Variants in ABLIM2 observed in about 807,000 individuals in gnomAD.
ABLIM2 encodes the protein actin-binding LIM protein 2.
A neutral mutation model predicts 97.7 loss-of-function variants in ABLIM2; 53 were observed. That is an observed-to-expected ratio of 0.54 (90% CI 0.44 to 0.68). ABLIM2 has a LOEUF of 0.68. Ranked by LOEUF, ABLIM2 falls within the 30% of genes least tolerant of loss-of-function variation. The pLI is 0.00. For synonymous variants in ABLIM2, 361 were observed against 345.8 expected (o/e 1.04, Z -0.49); for missense variants, 835 against 867.2 (o/e 0.96, Z 0.47).
chr4:7,984,332 C>T (rs1222972516), intron 18 of ABLIM2, among the ~76,000 whole-genome samples: 1 of 152,186 alleles, frequency 6.6e-6, no homozygotes, highest in Non-Finnish European at 1.5e-5. Flanking sequence ...GCAAGGCTCC[C>T]CCGCCACTCG....
At chr4:8,051,543 A>T (rs1403651961) in intron 8 of ABLIM2, among the ~76,000 whole-genome samples, 1 of 144,896 alleles carries the variant, frequency 6.9e-6, no homozygotes, top group Non-Finnish European at 1.5e-5. Context: ...CAGCCTGAAG[A>T]CAGAGCGAGA....
rs994780148 is a variant in ABLIM2 at position 8,112,356 on chromosome 4, G to A, written c.11-5719C>T. 6.6e-6 allele frequency among the ~76,000 whole-genome samples: 1 copy of A among 152,234 alleles called. No homozygotes were observed. Among genetic ancestry groups the A allele is most frequent in the South Asian group, 2.1e-4 (1 of 4,834 alleles). ...TGGTGAATGGATTTAACTCTGCAAA[G>A]CCTCAGTTTTCACATCTGTAAATCA... On this transcript the variant is annotated intron_variant, in intron 1 of 20. Transcript: ENST00000447017. This position sits in a 1 kb window ranked among gnomAD's most constrained non-coding sequence, Gnocchi z 4.2.
At chr4:8,100,534 G>A (rs1252377908) in intron 2 of ABLIM2, among the ~76,000 whole-genome samples, 6 of 152,210 alleles carry the variant, frequency 3.9e-5, no homozygotes, top group African/African-American at 9.6e-5. Flanking sequence ...ATCACCTGAG[G>A]TCAGGAGTTC....
At chr4:8,048,089 AG>A (rs934047047) in intron 8 of ABLIM2, among the ~76,000 whole-genome samples, 4 of 152,096 alleles carry the variant, frequency 2.6e-5, no homozygotes, top group African/African-American at 9.7e-5. Context: ...TGCATGTTTG[AG>A]GGGGTCTAGG....
intron 1 of ABLIM2, among the ~76,000 whole-genome samples, chr4:8,131,634 GCACAGCAGCCCGCA>G (rs1849379689): frequency 6.7e-6 from 1 of 148,656 alleles, no homozygotes; most frequent in Non-Finnish European, 1.5e-5. Flanking sequence ...GCATCCCTGA[GCACAGCAGCCCGCA>G]TCCCCAGCAC....
rs1292350653 is a variant in ABLIM2, at chr4:8,020,285, C to G, written c.1286G>C (p.Ser429Thr). 1 of 1,613,620 alleles carries G rather than the reference C, an allele frequency of 6.2e-7. No homozygotes were observed. Among genetic ancestry groups the G allele is most frequent in the Admixed American group, 1.7e-5 (1 of 59,992 alleles). Residue 429 changes from serine to threonine, a missense_variant, in exon 13 of 21, where the codon AGC (serine) becomes ACC (threonine). Transcript: ENST00000447017. ...AGAGAGCACGGAGAGGCTGGGGGTGCTCCGGCCACTTTCACTGCCTCCAGA... is the reference window on the plus strand; with the variant it reads ...AGAGAGCACGGAGAGGCTGGGGGTGGTCCGGCCACTTTCACTGCCTCCAGA... ...PYFRGSESGR[S>T]TPSLSVLSDS...
chr4:8,070,402 A>G (rs186246309), intron 6 of ABLIM2, among the ~76,000 whole-genome samples: 1 of 151,880 alleles, frequency 6.6e-6, no homozygotes, highest in East Asian at 1.9e-4. Context: ...GTTTTGGCTT[A>G]TTTTATGATA....
Position 8,130,364 on chromosome 4 carries a change from C to A in ABLIM2, c.11-23727G>T, listed in dbSNP as rs1849186822. On this transcript the variant is annotated intron_variant, in intron 1 of 20. Transcript: ENST00000447017. This position sits in a 1 kb window ranked among gnomAD's most constrained non-coding sequence, Gnocchi z 4.2. ...TTCTCTGTAATGTTCAGGAGAGGGC[C>A]ATGTGGAGAGGTTGGCCTTCTGAGT... Among the ~76,000 whole-genome samples the A allele has an allele frequency of 6.6e-6, 1 of 152,198 alleles. No individual in the cohort carries two copies. The highest frequency in any genetic ancestry group is 2.1e-4 in the South Asian group (1 of 4,830).
chr4:8,116,909 A>G (rs1053447814), intron 1 of ABLIM2, among the ~76,000 whole-genome samples: 1 of 152,234 alleles, frequency 6.6e-6, no homozygotes, highest in African/African-American at 2.4e-5. Context: ...ATAGCAGTTT[A>G]TAGTTTACAA....
intron 16 of ABLIM2, chr4:7,993,976 G>C (rs1751065447): frequency 2.0e-6 from 1 of 505,534 alleles, no homozygotes; most frequent in Non-Finnish European, 3.9e-6. Context: ...CAGGGAGGAA[G>C]TGAACGCCTG....
chr4:8,147,743 G>C lies in ABLIM2; in HGVS notation c.10+10937C>G, dbSNP rs11734190. Among the ~76,000 whole-genome samples the C allele has an allele frequency of 2.6e-5, 4 of 152,096 alleles. No homozygotes were observed. The highest frequency in any genetic ancestry group is 9.7e-5 in the African/African-American group (4 of 41,408). ...GGAGCTGCCAGCGCCGTTTAGCCTC[G>C]GACACTGACATTGAACTGCTGGCCT... On this transcript the variant is annotated intron_variant, in intron 1 of 20. Coordinates refer to ENST00000447017, the MANE Select transcript of ABLIM2 (RefSeq NM_001130083.2). The surrounding 1 kb of genome is among the most constrained non-coding windows in gnomAD (Gnocchi z 5.3).
chr4:8,012,162 C>A (rs984833838), intron 14 of ABLIM2, among the ~76,000 whole-genome samples: 2 of 150,150 alleles, frequency 1.3e-5, no homozygotes, highest in Admixed American at 6.6e-5. Context: ...CTCATCCACC[C>A]ATCTATTCAT....
At position 7,986,019 on chromosome 4, in the gene ABLIM2, T is replaced by G. The variant is rs1485899553; in HGVS notation, c.1681-1126A>C. Among the ~76,000 whole-genome samples the G allele has an allele frequency of 6.6e-6, 1 of 152,190 alleles. No individual in the cohort carries two copies. Among genetic ancestry groups the G allele is most frequent in the Admixed American group, 6.5e-5 (1 of 15,286 alleles). On this transcript the variant is annotated intron_variant, in intron 17 of 20. Transcript: ENST00000447017. The surrounding 1 kb of genome is among the most constrained non-coding windows in gnomAD (Gnocchi z 4.3). ...CCTGAGCCATGCTCTGTTGCGGTTG[T>G]GCCTTGGCTGCCCGCGGTGGACGGA...
Position 7,970,138 on chromosome 4 carries a change from G to A in ABLIM2, c.1825-3035C>T, listed in dbSNP as rs569181690. 6.6e-6 allele frequency among the ~76,000 whole-genome samples: 1 copy of A among 152,332 alleles called. No homozygotes were observed. The highest frequency in any genetic ancestry group is 2.1e-4 in the South Asian group (1 of 4,830). On this transcript the variant is annotated intron_variant, in intron 20 of 20. Transcript: ENST00000447017. This position sits in a 1 kb window ranked among gnomAD's most constrained non-coding sequence, Gnocchi z 5.3. ...CCTGGTGATACCAGACCTTGTTCCA[G>A]ACATGGAAAGTCAGAGACACAAGGC...
At chr4:8,025,929 G>C (rs1002992860) in intron 12 of ABLIM2, among the ~76,000 whole-genome samples, 2 of 152,236 alleles carry the variant, frequency 1.3e-5, no homozygotes, top group African/African-American at 4.8e-5. Context: ...CCTGCCACAC[G>C]ACTGCCGTGG....
At chr4:7,989,503 C>T in intron 17 of ABLIM2, 4 of 833,992 alleles carry the variant, frequency 4.8e-6, no homozygotes, top group South Asian at 5.5e-5. Flanking sequence ...CTGCTTTATT[C>T]CATTATGCCT....
At chr4:8,096,991 A>C in intron 3 of ABLIM2, 108 bp downstream of exon 3, 2 of 1,338,118 alleles carry the variant, frequency 1.5e-6, no homozygotes, top group Non-Finnish European at 2.0e-6. Flanking sequence ...TGCAGGATGC[A>C]GAGGGCGGGT....
chr4:8,066,417 GGAAGGAAGGA>G (rs1807702769), intron 6 of ABLIM2: 1 of 142,960 alleles, frequency 7.0e-6, no homozygotes, highest in African/African-American at 2.5e-5. Flanking sequence ...AAGGAAGGAA[GGAAGGAAGGA>G]AGGGAGGGGT....
intron 2 of ABLIM2, among the ~76,000 whole-genome samples, chr4:8,101,828 A>G (rs1365424189): frequency 6.6e-6 from 1 of 152,182 alleles, no homozygotes; most frequent in Non-Finnish European, 1.5e-5. Flanking sequence ...AGTAAACCAG[A>G]TTTGTTTTTC....
Sources: allele counts gnomAD v4.1 joint callset (sites outside exome capture counted in the v4.1 genomes callset), GRCh38; gene constraint gnomAD v4.1.1; non-coding constraint Gnocchi (gnomAD v3.1); transcripts MANE v1.5; gene names NCBI Gene and HGNC (gene_info 2026-07-23, HGNC 2026-07-21).